The following NRXN1 variants were observed in gnomAD, a reference collection of about 807,000 sequenced individuals.
The protein encoded by NRXN1 is neurexin 1.
A neutral mutation model predicts 150.9 loss-of-function variants in NRXN1; 39 were observed. That is an observed-to-expected ratio of 0.26 (90% CI 0.20 to 0.34). The LOEUF is 0.34. Among genes scored for constraint, NRXN1 ranks in the 10% least tolerant of loss-of-function variants. The pLI, the probability that NRXN1 is intolerant of heterozygous loss-of-function variation, is 1.00. For synonymous variants in NRXN1, 924 were observed against 757.0 expected, an observed-to-expected ratio of 1.22 and a Z score of -3.62; for missense variants, 1,815 against 1,949.9, an observed-to-expected ratio of 0.93 and a Z score of 1.30.
At chr2:50,654,568 T>C (rs972813799) in intron 5 of NRXN1, among the ~76,000 whole-genome samples, 1 of 151,988 alleles carries the variant, frequency 6.6e-6, no homozygotes, top group African/African-American at 2.4e-5. Flanking sequence ...CTGGGTCAAA[T>C]GGTATTTCTA....
At chr2:50,555,559 T>G (rs775550541) in intron 8 of NRXN1, among the ~76,000 whole-genome samples, 1 of 152,204 alleles carries the variant, frequency 6.6e-6, no homozygotes, top group African/African-American at 2.4e-5. Flanking sequence ...TGCTTTACAC[T>G]GGCAAGAACC....
chr2:50,906,672 T>C (rs560064488), intron 5 of NRXN1, among the ~76,000 whole-genome samples: 1 of 152,252 alleles, frequency 6.6e-6, no homozygotes, highest in Non-Finnish European at 1.5e-5. Context: ...TCCAGTTTCA[T>C]CCTTTAGGTT....
intron 2 of NRXN1, among the ~76,000 whole-genome samples, chr2:50,950,465 G>A (rs1386954815): frequency 6.6e-6 from 1 of 152,188 alleles, no homozygotes; most frequent in Non-Finnish European, 1.5e-5. Flanking sequence ...AGAAGGCAAA[G>A]TCAGAAAATC....
At chr2:50,110,688 T>TTCTAGCACTTCTTTTTG (rs1702267947) in intron 18 of NRXN1, among the ~76,000 whole-genome samples, 1 of 152,164 alleles carries the variant, frequency 6.6e-6, no homozygotes, top group African/African-American at 2.4e-5. Flanking sequence ...GAGGGGCCAA[T>TTCTAGCACTTCTTTTTG]TCTAGCACTT....
chr2:50,473,939 G>C (rs1251310110), intron 15 of NRXN1, among the ~76,000 whole-genome samples: 4 of 151,946 alleles, frequency 2.6e-5, no homozygotes, highest in African/African-American at 9.7e-5. Context: ...CATACTCAAA[G>C]TCATTCAACG....
At chr2:50,625,717 C>G (rs1314419038) in intron 5 of NRXN1, among the ~76,000 whole-genome samples, 1 of 152,060 alleles carries the variant, frequency 6.6e-6, no homozygotes, top group Non-Finnish European at 1.5e-5. Flanking sequence ...CTAGCTGTCA[C>G]TAGAACAATT....
At chr2:50,760,192 C>T (rs940876745) in intron 5 of NRXN1, among the ~76,000 whole-genome samples, 12 of 152,008 alleles carry the variant, frequency 7.9e-5, no homozygotes, top group African/African-American at 2.6e-4. Flanking sequence ...CCACTGGGAG[C>T]TTGGAAAACG....
chr2:50,694,942 G>C (rs966667036), intron 5 of NRXN1, among the ~76,000 whole-genome samples: 2 of 152,162 alleles, frequency 1.3e-5, no homozygotes, highest in African/African-American at 4.8e-5. Flanking sequence ...GGGGCTGAAA[G>C]ACAGTTCCCT....
chr2:50,944,236 T>A (rs530176750), intron 2 of NRXN1, among the ~76,000 whole-genome samples: 1 of 152,274 alleles, frequency 6.6e-6, no homozygotes, highest in African/African-American at 2.4e-5. Context: ...GAAGGGCTGA[T>A]CCATTTTAGG....
At chr2:50,965,212 A>G (rs747865030) in intron 2 of NRXN1, among the ~76,000 whole-genome samples, 1 of 151,560 alleles carries the variant, frequency 6.6e-6, no homozygotes, top group South Asian at 2.1e-4. Context: ...CAGATGCAAT[A>G]CATAACTATT....
At chr2:50,201,563 T>C (rs1184139548) in intron 18 of NRXN1, among the ~76,000 whole-genome samples, 1 of 152,200 alleles carries the variant, frequency 6.6e-6, no homozygotes, top group Non-Finnish European at 1.5e-5. Flanking sequence ...TAGCTTATTA[T>C]CTTCTGAGTT....
At chr2:50,239,462 T>C (rs1431992231) in intron 17 of NRXN1, among the ~76,000 whole-genome samples, 3 of 143,796 alleles carry the variant, frequency 2.1e-5, no homozygotes, top group East Asian at 4.2e-4. Context: ...TAAAACAACA[T>C]TGCATATTAA....
At chr2:50,939,572 C>G (rs998200802) in intron 2 of NRXN1, among the ~76,000 whole-genome samples, 2 of 152,000 alleles carry the variant, frequency 1.3e-5, no homozygotes, top group Admixed American at 1.3e-4. Context: ...TTTTCTCTAA[C>G]AATTTGCCTT....
At chr2:50,335,494 T>A (rs528602697) in intron 17 of NRXN1, among the ~76,000 whole-genome samples, 1 of 152,124 alleles carries the variant, frequency 6.6e-6, no homozygotes, top group Non-Finnish European at 1.5e-5. Context: ...TTTTCCTAAG[T>A]TTTTCCTCGT....
chr2:51,001,254 C>A (rs1700038274), intron 2 of NRXN1, among the ~76,000 whole-genome samples: 1 of 141,824 alleles, frequency 7.1e-6, no homozygotes, highest in African/African-American at 2.6e-5. Flanking sequence ...GGGCGTTTGT[C>A]AGGGGAGGAC....
chr2:49,955,675 G>A (rs556426340), intron 21 of NRXN1, among the ~76,000 whole-genome samples: 108 of 151,384 alleles, frequency 7.1e-4, no homozygotes, highest in Non-Finnish European at 1.2e-3. Flanking sequence ...TCTTGCAATA[G>A]TCTATTGCAT....
At chr2:50,918,264 TA>T in intron 5 of NRXN1, 1 of 173,528 alleles carries the variant, frequency 5.8e-6, no homozygotes, top group East Asian at 1.5e-4. Flanking sequence ...TTTGACTCTT[TA>T]AAATGGACAG....
chr2:50,283,604 ACTC>A (rs1330302674), intron 17 of NRXN1, among the ~76,000 whole-genome samples: 1 of 152,100 alleles, frequency 6.6e-6, no homozygotes, highest in African/African-American at 2.4e-5. Flanking sequence ...TCATTATACT[ACTC>A]CTCAAATAGA....
At chr2:49,953,547 A>G (rs1674357346) in intron 21 of NRXN1, among the ~76,000 whole-genome samples, 1 of 152,098 alleles carries the variant, frequency 6.6e-6, no homozygotes, top group Non-Finnish European at 1.5e-5. Context: ...ATGCTGACCA[A>G]TAATGCAAAA....
Sources: allele counts gnomAD v4.1 joint callset (sites outside exome capture counted in the v4.1 genomes callset), GRCh38; gene constraint gnomAD v4.1.1; transcripts MANE v1.5; gene names NCBI Gene and HGNC (gene_info 2026-07-23, HGNC 2026-07-21).